DLG2: variants seen among roughly 807,000 people sequenced by gnomAD.
The protein encoded by DLG2 is discs large MAGUK scaffold protein 2.
DLG2 carries 45 observed loss-of-function variants against 132.5 expected under a neutral mutation model. The observed-to-expected ratio is 0.34, with a 90% CI of 0.27 to 0.44. DLG2 has a LOEUF of 0.44. Among genes scored for constraint, DLG2 ranks in the 20% least tolerant of loss-of-function variants. The probability of loss-of-function intolerance (pLI) is 1.00; values close to 1 mark genes in which losing one functional copy is unlikely to be tolerated. For missense variants in DLG2, 1,045 were observed against 1,196.9 expected (o/e 0.87, Z 1.87); for synonymous variants, 424 against 419.6 (o/e 1.01, Z -0.13).
At chr11:85,424,960 AACTG>A (rs1389295368) in intron 3 of DLG2, among the ~76,000 whole-genome samples, 3 of 152,144 alleles carry the variant, frequency 2.0e-5, no homozygotes, top group East Asian at 1.9e-4. Context: ...TAAAAGCCTG[AACTG>A]ACTAAGAAAG....
At chr11:84,694,693 G>A (rs996609552) in intron 6 of DLG2, among the ~76,000 whole-genome samples, 1 of 151,542 alleles carries the variant, frequency 6.6e-6, no homozygotes, top group Non-Finnish European at 1.5e-5. Flanking sequence ...AAAAAGAAGA[G>A]TGAATATCCA....
chr11:84,768,470 T>C (rs1231637896), intron 6 of DLG2, among the ~76,000 whole-genome samples: 1 of 152,332 alleles, frequency 6.6e-6, no homozygotes, highest in Non-Finnish European at 1.5e-5. Flanking sequence ...GCCTATTTGA[T>C]AGTACAGAAT....
At chr11:84,619,839 T>A (rs1251948178) in intron 6 of DLG2, among the ~76,000 whole-genome samples, 1 of 151,678 alleles carries the variant, frequency 6.6e-6, no homozygotes, top group Non-Finnish European at 1.5e-5. Context: ...TAGTCTATAT[T>A]TATAAATAGA....
At chr11:83,508,700 A>T (rs1592118409) in intron 21 of DLG2, among the ~76,000 whole-genome samples, 1 of 152,006 alleles carries the variant, frequency 6.6e-6, no homozygotes, top group South Asian at 2.1e-4. Flanking sequence ...CACACACACA[A>T]ACACAACACA....
At chr11:85,445,643 C>T (rs72951987) in intron 3 of DLG2, among the ~76,000 whole-genome samples, 4,386 of 152,210 alleles carry the variant, frequency 0.029, 104 homozygotes, top group East Asian at 0.096. Flanking sequence ...TTGCACCACT[C>T]CTGTCCAGCC....
intron 19 of DLG2, among the ~76,000 whole-genome samples, chr11:83,627,943 T>G (rs2062887919): frequency 6.6e-6 from 1 of 152,234 alleles, no homozygotes; most frequent in South Asian, 2.1e-4. Flanking sequence ...GTGGTTTTGA[T>G]TTGCATTTCT....
chr11:84,440,648 C>A (rs893101995), intron 7 of DLG2, among the ~76,000 whole-genome samples: 1 of 152,130 alleles, frequency 6.6e-6, no homozygotes, highest in Non-Finnish European at 1.5e-5. Flanking sequence ...TGTATATAAT[C>A]AGTACCTGGA....
intron 6 of DLG2, among the ~76,000 whole-genome samples, chr11:84,557,395 T>C (rs1362018578): frequency 6.6e-6 from 1 of 152,200 alleles, no homozygotes; most frequent in Non-Finnish European, 1.5e-5. Context: ...CAAAAGCAAA[T>C]TCCTTAAAAT....
intron 3 of DLG2, among the ~76,000 whole-genome samples, chr11:85,391,246 T>A (rs1171993774): frequency 2.0e-5 from 3 of 151,786 alleles, no homozygotes; most frequent in Non-Finnish European, 4.4e-5. Context: ...CAGAAAGAAA[T>A]AGAAACTCTG....
chr11:83,753,895 TATATATATTTC>T (rs1181269438), intron 18 of DLG2, among the ~76,000 whole-genome samples: 3 of 127,078 alleles, frequency 2.4e-5, no homozygotes, highest in African/African-American at 3.2e-5. Context: ...ATATATATCA[TATATATATTTC>T]ATATATATTT....
chr11:83,957,554 CTTTTT>C (rs10713628), intron 14 of DLG2, among the ~76,000 whole-genome samples: 8,540 of 142,732 alleles, frequency 0.06, 857 homozygotes, highest in African/African-American at 0.2. Flanking sequence ...GCAGCCAGAA[CTTTTT>C]TTTTTTTTTT....
At chr11:84,332,242 C>T (rs2098463537) in intron 7 of DLG2, among the ~76,000 whole-genome samples, 2 of 146,408 alleles carry the variant, frequency 1.4e-5, no homozygotes, top group South Asian at 2.2e-4. Flanking sequence ...GACAGAGTCT[C>T]GCTCTATCGC....
chr11:85,587,129 TC>T (rs1190929007), intron 3 of DLG2, among the ~76,000 whole-genome samples: 1 of 152,236 alleles, frequency 6.6e-6, no homozygotes, highest in African/African-American at 2.4e-5. Context: ...CTATGGTCTA[TC>T]TTGGAGAATG....
At chr11:84,389,709 T>G (rs2098785331) in intron 7 of DLG2, among the ~76,000 whole-genome samples, 2 of 152,148 alleles carry the variant, frequency 1.3e-5, no homozygotes, top group African/African-American at 4.8e-5. Context: ...CAAGATTATA[T>G]TAATATTTGT....
At chr11:84,919,291 C>T (rs10898330) in intron 6 of DLG2, among the ~76,000 whole-genome samples, 80,141 of 151,838 alleles carry the variant, frequency 0.53, 21,431 homozygotes, top group South Asian at 0.6. Context: ...AAACCTTTTT[C>T]ACAGATGAGA....
At chr11:84,221,346 C>T (rs925493243) in intron 8 of DLG2, among the ~76,000 whole-genome samples, 2 of 151,918 alleles carry the variant, frequency 1.3e-5, no homozygotes, top group Non-Finnish European at 2.9e-5. Context: ...CGCCTGTAGT[C>T]CCAGCTACTC....
rs1417830252 is a variant in DLG2 at position 84,650,863 on chromosome 11, G to GTATATATA, written c.358-116133_358-116132insTATATATA. 6.9e-3 allele frequency among the ~76,000 whole-genome samples: 629 copies of GTATATATA among 91,692 alleles called. 1 individual carries two copies. Among genetic ancestry groups the GTATATATA allele is most frequent in the South Asian group, 0.013 (27 of 2,048 alleles). 60.2% of individuals were successfully genotyped at this position (91,692 alleles called of 152,430 possible). Reference sequence around the variant, plus strand: ...AACTTTCCTGTATGTGTGTGTGTGTGTGTGTGTGTGTATATATATATATAT... The same window carrying GTATATATA: ...AACTTTCCTGTATGTGTGTGTGTGTGTATATATATGTGTGTGTGTATATATATATATAT... On this transcript the variant is annotated intron_variant, in intron 6 of 27. Transcript: ENST00000376104.
At chr11:84,318,244 G>T (rs2098380130) in intron 7 of DLG2, among the ~76,000 whole-genome samples, 1 of 152,192 alleles carries the variant, frequency 6.6e-6, no homozygotes, top group African/African-American at 2.4e-5. Flanking sequence ...CATGCTTGCT[G>T]AATCCATACA....
At chr11:84,232,534 G>T (rs903775977) in intron 8 of DLG2, among the ~76,000 whole-genome samples, 1 of 152,108 alleles carries the variant, frequency 6.6e-6, no homozygotes, top group Non-Finnish European at 1.5e-5. Flanking sequence ...TTTCAGATGG[G>T]GACAATGGGA....
Sources: gnomAD v4.1 joint callset for allele counts (sites outside exome capture counted in the v4.1 genomes callset) on GRCh38, gnomAD v4.1.1 for gene constraint, MANE v1.5 for transcripts, NCBI Gene and HGNC (gene_info 2026-07-23, HGNC 2026-07-21) for gene names.